Variants in RGS7BP observed in about 807,000 individuals in gnomAD.
RGS7BP encodes the protein regulator of G protein signaling 7-binding protein.
In RGS7BP, 9 loss-of-function variants were observed where a neutral mutation model predicts 31.3. The observed-to-expected ratio is 0.29, with a 90% confidence interval of 0.17 to 0.50. The LOEUF is 0.50. Among genes scored for constraint, RGS7BP ranks in the 20% least tolerant of loss-of-function variants. The pLI is 0.98. For missense variants in RGS7BP, 274 were observed against 322.0 expected, an observed-to-expected ratio of 0.85 and a Z score of 1.14; for synonymous variants, 115 against 120.1, an observed-to-expected ratio of 0.96 and a Z score of 0.28.
At chr5:64,513,153 G>T (rs1322502501) in intron 2 of RGS7BP, among the ~76,000 whole-genome samples, 1 of 152,206 alleles carries the variant, frequency 6.6e-6, no homozygotes, top group Non-Finnish European at 1.5e-5. Context: ...GAAATAATAT[G>T]TTGAGATCCA....
At chr5:64,559,434 T>C (rs1742000992) in intron 2 of RGS7BP, among the ~76,000 whole-genome samples, 1 of 152,208 alleles carries the variant, frequency 6.6e-6, no homozygotes, top group African/African-American at 2.4e-5. Flanking sequence ...GGTTGCCTGC[T>C]TTAAATATCA....
intron 2 of RGS7BP, among the ~76,000 whole-genome samples, chr5:64,531,012 T>C (rs889787135): frequency 3.3e-5 from 5 of 152,282 alleles, no homozygotes; most frequent in Middle Eastern, 3.4e-3. Flanking sequence ...ATCCTAATTA[T>C]CCCTTCCTCT....
intron 2 of RGS7BP, among the ~76,000 whole-genome samples, chr5:64,544,581 G>A (rs1425468778): frequency 3.3e-5 from 5 of 152,030 alleles, no homozygotes; most frequent in African/African-American, 1.2e-4. Flanking sequence ...AGCTGAGGCA[G>A]GAGGGTCACT....
intron 2 of RGS7BP, among the ~76,000 whole-genome samples, chr5:64,528,642 T>A (rs1749291378): frequency 6.6e-6 from 1 of 151,618 alleles, no homozygotes; most frequent in Non-Finnish European, 1.5e-5. Flanking sequence ...TGAAACCCCG[T>A]CTTTACTAAA....
At chr5:64,548,839 G>T (rs893888916) in intron 2 of RGS7BP, among the ~76,000 whole-genome samples, 1 of 149,004 alleles carries the variant, frequency 6.7e-6, no homozygotes, top group African/African-American at 2.5e-5. Context: ...AGGCAAAGTC[G>T]AAAGCCCTTT....
At chr5:64,584,415 C>G (rs552269025) in intron 3 of RGS7BP, among the ~76,000 whole-genome samples, 5 of 152,246 alleles carry the variant, frequency 3.3e-5, no homozygotes, top group South Asian at 2.1e-4. Flanking sequence ...GAAACATTCA[C>G]GTGATCCAAA....
At chr5:64,548,082 T>G (rs1164165667) in intron 2 of RGS7BP, among the ~76,000 whole-genome samples, 2 of 152,158 alleles carry the variant, frequency 1.3e-5, no homozygotes, top group Non-Finnish European at 2.9e-5. Flanking sequence ...TCCATAATTA[T>G]TTACCGCAGC....
At chr5:64,510,282 A>G (rs1748800172) in intron 2 of RGS7BP, among the ~76,000 whole-genome samples, 1 of 152,214 alleles carries the variant, frequency 6.6e-6, no homozygotes, top group South Asian at 2.1e-4. Context: ...CTAAGAAGTG[A>G]CACAGCTTTG....
At chr5:64,577,149 C>T (rs1742454370) in intron 3 of RGS7BP, among the ~76,000 whole-genome samples, 1 of 152,074 alleles carries the variant, frequency 6.6e-6, no homozygotes, top group African/African-American at 2.4e-5. Flanking sequence ...TTGTAAAAAC[C>T]AAATCTTGGC....
At chr5:64,514,490 C>G (rs540126870) in intron 2 of RGS7BP, among the ~76,000 whole-genome samples, 20 of 152,188 alleles carry the variant, frequency 1.3e-4, no homozygotes, top group African/African-American at 4.8e-4. Flanking sequence ...ATCCCAGGGC[C>G]CAATGTTTAA....
At chr5:64,599,162 G>GTTA (rs1743155329) in intron 5 of RGS7BP, among the ~76,000 whole-genome samples, 1 of 152,178 alleles carries the variant, frequency 6.6e-6, no homozygotes, top group Non-Finnish European at 1.5e-5. Context: ...ATCGATGTTT[G>GTTA]TTAAATCTGC....
intron 2 of RGS7BP, among the ~76,000 whole-genome samples, chr5:64,528,567 T>C (rs987682413): frequency 1.3e-5 from 2 of 151,992 alleles, no homozygotes; most frequent in Non-Finnish European, 2.9e-5. Flanking sequence ...ATCCCAGCAC[T>C]TTGGGAGGCC....
intron 2 of RGS7BP, among the ~76,000 whole-genome samples, chr5:64,549,962 C>T (rs979105097): frequency 3.9e-5 from 6 of 152,172 alleles, no homozygotes; most frequent in Non-Finnish European, 7.4e-5. Flanking sequence ...GTTCTACCTT[C>T]CACAAAACAC....
chr5:64,574,276 A>ATG (rs146397186), intron 2 of RGS7BP, among the ~76,000 whole-genome samples: 41 of 151,130 alleles, frequency 2.7e-4, no homozygotes, highest in South Asian at 1.3e-3. Flanking sequence ...AGGGGTGTGT[A>ATG]TGTGTGTGTG....
At chr5:64,512,398 C>T (rs528616752) in intron 2 of RGS7BP, among the ~76,000 whole-genome samples, 4 of 152,264 alleles carry the variant, frequency 2.6e-5, no homozygotes, top group East Asian at 1.9e-4. Flanking sequence ...AGTCTGGTAT[C>T]GTGGTTAAGT....
intron 2 of RGS7BP, among the ~76,000 whole-genome samples, chr5:64,519,703 C>G (rs2111895868): frequency 6.6e-6 from 1 of 152,260 alleles, no homozygotes; most frequent in Non-Finnish European, 1.5e-5. Flanking sequence ...GTGCTGTTCC[C>G]TTTGCACATA....
chr5:64,540,531 C>A (rs571829754), intron 2 of RGS7BP, among the ~76,000 whole-genome samples: 2 of 152,240 alleles, frequency 1.3e-5, no homozygotes, highest in African/African-American at 4.8e-5. Context: ...AATAATCCTA[C>A]ATAAAACTTT....
intron 2 of RGS7BP, among the ~76,000 whole-genome samples, chr5:64,515,956 G>A (rs1748961969): frequency 6.6e-6 from 1 of 151,942 alleles, no homozygotes; most frequent in Admixed American, 6.6e-5. Context: ...TGCACTACCA[G>A]ACACAGCTAA....
chr5:64,518,904 A>G (rs1580389491), intron 2 of RGS7BP, among the ~76,000 whole-genome samples: 1 of 152,190 alleles, frequency 6.6e-6, no homozygotes, highest in African/African-American at 2.4e-5. Context: ...GCACAGACAT[A>G]AGCCCATTAA....
Sources: allele counts gnomAD v4.1 joint callset (sites outside exome capture counted in the v4.1 genomes callset), GRCh38; gene constraint gnomAD v4.1.1; transcripts MANE v1.5; gene names NCBI Gene and HGNC (gene_info 2026-07-23, HGNC 2026-07-21).